Variants in EML4 observed in about 807,000 individuals in gnomAD.
EML4 encodes EMAP like 4.
In EML4, 72 loss-of-function variants were observed where a neutral mutation model predicts 129.0. The observed-to-expected ratio is 0.56, with a 90% CI of 0.46 to 0.68. The LOEUF is 0.68. Among genes scored for constraint, EML4 ranks in the 30% least tolerant of loss-of-function variants. The pLI is 0.00. For missense variants in EML4, 1,363 were observed against 1,190.6 expected (o/e 1.14, Z -2.13); for synonymous variants, 532 against 405.0 (o/e 1.31, Z -3.77).
chr2:42,231,113 C>T (rs1264792651), intron 1 of EML4, among the ~76,000 whole-genome samples: 1 of 152,222 alleles, frequency 6.6e-6, no homozygotes, highest in Non-Finnish European at 1.5e-5. Flanking sequence ...CAGTGCATTG[C>T]AGTTATGCTT....
At chr2:42,322,156 TA>T (rs1344888109) in intron 19 of EML4, among the ~76,000 whole-genome samples, 9 of 152,246 alleles carry the variant, frequency 5.9e-5, no homozygotes, top group Admixed American at 2.6e-4. Flanking sequence ...TTATGAAGTT[TA>T]CTAAGTAATA....
At chr2:42,290,120 A>C (rs1248247160) in intron 11 of EML4, among the ~76,000 whole-genome samples, 1 of 151,804 alleles carries the variant, frequency 6.6e-6, no homozygotes, top group South Asian at 2.1e-4. Context: ...ACTTAATCAA[A>C]ACAGAGGATG....
At position 42,301,313 on chromosome 2, in the gene EML4, G is replaced by A. The variant is rs1312043844; in HGVS notation, c.1562G>A (p.Gly521Glu). Residue 521 changes from glycine (G) to glutamate (E), a missense_variant, in exon 14 of 23, where the codon GGG becomes GAG. Gly to Glu is a moderately conservative substitution (Grantham distance 98). Transcript: ENST00000318522. ...SVFTLCQMRN[G>E]MLLTGGGKDR... ...TTCACACTTTGTCAGATGAGAAATG[G>A]GATGTTATTAACTGGAGGAGGGAAA... is the stretch of plus-strand genomic sequence containing the variant. The A allele has an allele frequency of 3.7e-6, 6 of 1,613,136 alleles. No individual in the cohort carries two copies. Among genetic ancestry groups the A allele is most frequent in the Non-Finnish European group, 4.2e-6 (5 of 1,179,478 alleles).
At chr2:42,262,411 G>A (rs911601552) in intron 4 of EML4, among the ~76,000 whole-genome samples, 1 of 152,032 alleles carries the variant, frequency 6.6e-6, no homozygotes, top group Admixed American at 6.6e-5. Flanking sequence ...GTTTAAGGTG[G>A]CTTTTTATAA....
chr2:42,195,122 G>A (rs1038945148), intron 1 of EML4, among the ~76,000 whole-genome samples: 8 of 151,974 alleles, frequency 5.3e-5, no homozygotes, highest in Non-Finnish European at 1.5e-5. Context: ...TTATACCTTC[G>A]GGATCCAGTT....
chr2:42,220,070 T>C (rs185358587), intron 1 of EML4, among the ~76,000 whole-genome samples: 2 of 152,072 alleles, frequency 1.3e-5, no homozygotes, highest in African/African-American at 2.4e-5. Context: ...TTTTCACTCA[T>C]AGTGTATGTC....
chr2:42,306,484 C>CTTTTTTTTTTTTTT (rs375707062), intron 17 of EML4, among the ~76,000 whole-genome samples: 978 of 74,596 alleles, frequency 0.013, 157 homozygotes, highest in Non-Finnish European at 0.022. Flanking sequence ...GTGCTAAATC[C>CTTTTTTTTTTTTTT]TTTTTTTTTT....
chr2:42,303,989 T>G (rs1168682449), intron 16 of EML4, among the ~76,000 whole-genome samples: 1 of 152,184 alleles, frequency 6.6e-6, no homozygotes, highest in Non-Finnish European at 1.5e-5. Flanking sequence ...TCAGCTTCAG[T>G]AGTAAAATCA....
In EML4 at chr2:42,282,851, G is replaced by A; in HGVS notation, c.820G>A (p.Ala274Thr). Residue 274 changes from alanine (A) to threonine (T), a missense_variant, in exon 8 of 23, where the codon GCT becomes ACT. Physicochemically the swap from Ala to Thr is moderately conservative, Grantham distance 58 (BLOSUM62 0). Coordinates refer to ENST00000318522, the MANE Select transcript of EML4 (RefSeq NM_019063.5). ...TGGTTATCGAGGAAAGGACTGTAGA[G>A]CTAATGTTTACCTTCTTCCGACCGG... ...AYGYRGKDCRANVYLLPTGKI... is the reference protein window; with the variant it reads ...AYGYRGKDCRTNVYLLPTGKI... 5 of 1,613,204 alleles carry A rather than the reference G, an allele frequency of 3.1e-6. No homozygotes were observed. The highest frequency in any genetic ancestry group is 3.4e-6 in the Non-Finnish European group (4 of 1,179,308).
intron 1 of EML4, among the ~76,000 whole-genome samples, chr2:42,238,426 A>G (rs1351930610): frequency 2.0e-5 from 3 of 152,090 alleles, no homozygotes; most frequent in Non-Finnish European, 4.4e-5. Flanking sequence ...AGGTAAGGGG[A>G]AAAGTAGAAA....
chr2:42,256,070 C>G (rs910952245), intron 2 of EML4, among the ~76,000 whole-genome samples: 2 of 152,090 alleles, frequency 1.3e-5, no homozygotes, highest in Non-Finnish European at 2.9e-5. Flanking sequence ...TATACTTATG[C>G]TTTATTTGTA....
intron 1 of EML4, among the ~76,000 whole-genome samples, chr2:42,228,384 T>A (rs775436952): frequency 1.3e-5 from 2 of 152,184 alleles, no homozygotes; most frequent in East Asian, 3.8e-4. Flanking sequence ...TTTGCTGATA[T>A]AGCTTGTGGT....
At chr2:42,281,925 T>G (rs13032874) in intron 7 of EML4, among the ~76,000 whole-genome samples, 1 of 152,218 alleles carries the variant, frequency 6.6e-6, no homozygotes, top group African/African-American at 2.4e-5. Context: ...TAGGCAGATA[T>G]CAGCTTGGAC....
intron 1 of EML4, among the ~76,000 whole-genome samples, chr2:42,173,802 C>G (rs1558472054): frequency 6.6e-6 from 1 of 152,256 alleles, no homozygotes; most frequent in East Asian, 1.9e-4. Flanking sequence ...TATGATTGTA[C>G]CACTGCACTC....
intron 1 of EML4, among the ~76,000 whole-genome samples, chr2:42,178,167 A>C (rs1445562659): frequency 2.6e-5 from 4 of 152,234 alleles, no homozygotes; most frequent in African/African-American, 9.6e-5. Flanking sequence ...AATTCAGGCA[A>C]ACTCAGTATG....
chr2:42,216,377 G>A (rs1202134352), intron 1 of EML4, among the ~76,000 whole-genome samples: 2 of 150,872 alleles, frequency 1.3e-5, no homozygotes, highest in Admixed American at 1.3e-4. Flanking sequence ...TGAGTAGCTG[G>A]GATTACAGGT....
At chr2:42,306,375 C>T (rs1474770691) in intron 17 of EML4, among the ~76,000 whole-genome samples, 1 of 151,254 alleles carries the variant, frequency 6.6e-6, no homozygotes, top group African/African-American at 2.4e-5. Context: ...GAATTCACTT[C>T]AGATCTTTAT....
At chr2:42,247,874 A>G (rs1273997412) in intron 2 of EML4, among the ~76,000 whole-genome samples, 2 of 152,176 alleles carry the variant, frequency 1.3e-5, no homozygotes, top group Non-Finnish European at 2.9e-5. Context: ...TTTCCTATAT[A>G]TAATATACAG....
chr2:42,307,954 C>T (rs1167688572), intron 17 of EML4, among the ~76,000 whole-genome samples: 2 of 152,168 alleles, frequency 1.3e-5, no homozygotes, highest in Non-Finnish European at 2.9e-5. Context: ...CACGCCCAGC[C>T]AAGGACATTT....
Sources: allele counts gnomAD v4.1 joint callset (sites outside exome capture counted in the v4.1 genomes callset), GRCh38; gene constraint gnomAD v4.1.1; transcripts MANE v1.5; gene names NCBI Gene and HGNC (gene_info 2026-07-23, HGNC 2026-07-21).